Variants in MTCL2 observed in about 807,000 individuals in gnomAD.
MTCL2 encodes microtubule crosslinking factor 2.
the MTCL2 span, among the ~76,000 whole-genome samples, chr20:36,820,628 G>A: frequency 6.6e-6 from 1 of 152,144 alleles, no homozygotes; most frequent in Non-Finnish European, 1.5e-5. Context: ...GATCACCTGA[G>A]GCCAGGAGTT....
At chr20:36,863,107 CG>C in the MTCL2 span, 1 of 1,399,370 alleles carries the variant, frequency 7.1e-7, no homozygotes, top group Non-Finnish European at 9.3e-7. The surrounding 1 kb of genome is among the most constrained non-coding windows in gnomAD (Gnocchi z 6.2). Context: ...CCGCGCGCCC[CG>C]GGAGCCACTG....
chr20:36,796,890 A>G, the MTCL2 span: 6 of 1,613,870 alleles, frequency 3.7e-6, no homozygotes, highest in Non-Finnish European at 5.1e-6. Context: ...ACCTCTTTAA[A>G]CCATTTCCTC....
the MTCL2 span, chr20:36,804,674 C>T: frequency 1.3e-6 from 2 of 1,587,752 alleles, no homozygotes; most frequent in South Asian, 2.2e-5. Flanking sequence ...ACTCCCAGAT[C>T]TGACAGCTAA....
chr20:36,787,040 T>G, the MTCL2 span, among the ~76,000 whole-genome samples: 1 of 152,048 alleles, frequency 6.6e-6, no homozygotes, highest in African/African-American at 2.4e-5. Context: ...TTGCTCAGGC[T>G]GGTCTTGAAC....
the MTCL2 span, among the ~76,000 whole-genome samples, chr20:36,805,114 C>T: frequency 3.3e-5 from 5 of 152,080 alleles, no homozygotes; most frequent in Non-Finnish European, 7.4e-5. Context: ...AATCTGACAC[C>T]AAGAAAAAAC....
the MTCL2 span, chr20:36,796,950 T>C: frequency 1.2e-5 from 19 of 1,613,944 alleles, no homozygotes; most frequent in Admixed American, 3.2e-4. Context: ...TCTCACTGCG[T>C]GTCTGTCAAG....
At chr20:36,824,933 G>C in the MTCL2 span, among the ~76,000 whole-genome samples, 1 of 148,528 alleles carries the variant, frequency 6.7e-6, no homozygotes, top group East Asian at 2.1e-4. Context: ...TGTCTGGTCT[G>C]AATTGTACAC....
chr20:36,792,245 C>T, the MTCL2 span, among the ~76,000 whole-genome samples: 11 of 152,134 alleles, frequency 7.2e-5, no homozygotes, highest in African/African-American at 2.7e-4. Context: ...CGGTGGCTCA[C>T]GCCTGTAATC....
the MTCL2 span, chr20:36,780,896 A>G: frequency 1.3e-5 from 2 of 152,216 alleles, no homozygotes; most frequent in African/African-American, 4.8e-5. Flanking sequence ...GCTATAAATT[A>G]GTAGAAGAGT....
the MTCL2 span, among the ~76,000 whole-genome samples, chr20:36,816,725 A>G: frequency 0.031 from 4,786 of 152,288 alleles, 120 homozygotes; most frequent in Non-Finnish European, 0.057. Context: ...AATTCTTCCA[A>G]TGAACCCCCA....
the MTCL2 span, chr20:36,815,326 C>T: frequency 6.2e-7 from 1 of 1,613,848 alleles, no homozygotes; most frequent in South Asian, 1.1e-5. This position sits in a 1 kb window ranked among gnomAD's most constrained non-coding sequence, Gnocchi z 5.3. Flanking sequence ...AGCTTGGTGT[C>T]CCTGGGGCCC....
the MTCL2 span, chr20:36,815,792 C>T: frequency 3.8e-6 from 6 of 1,591,132 alleles, no homozygotes; most frequent in Admixed American, 1.8e-5. The surrounding 1 kb of genome is among the most constrained non-coding windows in gnomAD (Gnocchi z 5.3). Context: ...CCAGCTCGTG[C>T]TCCGAGCGGA....
the MTCL2 span, chr20:36,794,837 T>C: frequency 5.4e-6 from 3 of 558,470 alleles, no homozygotes; most frequent in Non-Finnish European, 9.6e-6. The surrounding 1 kb of genome is among the most constrained non-coding windows in gnomAD (Gnocchi z 5.4). Flanking sequence ...AGTGCAATAA[T>C]AGCTCACTGC....
the MTCL2 span, chr20:36,797,011 G>A: frequency 6.6e-7 from 1 of 1,505,838 alleles, no homozygotes; most frequent in South Asian, 1.1e-5. Context: ...TAAGGGCATG[G>A]AACAAGAGAC....
At chr20:36,791,219 C>T in the MTCL2 span, among the ~76,000 whole-genome samples, 1 of 151,754 alleles carries the variant, frequency 6.6e-6, no homozygotes, top group Non-Finnish European at 1.5e-5. Flanking sequence ...ATTTTTAGTA[C>T]AGACAGGGTT....
chr20:36,838,670 TA>T, the MTCL2 span, among the ~76,000 whole-genome samples: 1 of 151,200 alleles, frequency 6.6e-6, no homozygotes, highest in Non-Finnish European at 1.5e-5. Flanking sequence ...TGATACTCAA[TA>T]AACAGTAGCT....
chr20:36,786,329 G>A, the MTCL2 span: 1 of 1,336,380 alleles, frequency 7.5e-7, no homozygotes, highest in East Asian at 2.8e-5. Flanking sequence ...TTACCTTGAT[G>A]TGAAAGCTGC....
chr20:36,788,112 A>G, the MTCL2 span, among the ~76,000 whole-genome samples: 3 of 150,962 alleles, frequency 2.0e-5, no homozygotes, highest in African/African-American at 7.3e-5. Context: ...GAAGCAGCAG[A>G]ACGGCTTGAA....
chr20:36,851,899 CT>C, the MTCL2 span, among the ~76,000 whole-genome samples: 1 of 152,300 alleles, frequency 6.6e-6, no homozygotes, highest in South Asian at 2.1e-4. Context: ...CTACAGAAAA[CT>C]ACTTCTAGTC....
Sources: allele counts gnomAD v4.1 joint callset (sites outside exome capture counted in the v4.1 genomes callset), GRCh38; gene constraint gnomAD v4.1.1; non-coding constraint Gnocchi (gnomAD v3.1); transcripts MANE v1.5; gene names NCBI Gene and HGNC (gene_info 2026-07-23, HGNC 2026-07-21).